The following ADAMTSL4 variants were observed in gnomAD, a reference collection of about 807,000 sequenced individuals.
The protein encoded by ADAMTSL4 is ADAMTS-like protein 4.
In ADAMTSL4, 97 loss-of-function variants were observed where a neutral mutation model predicts 122.8. That is an observed-to-expected ratio of 0.79 (90% CI 0.67 to 0.93). ADAMTSL4 has a LOEUF of 0.93. ADAMTSL4 is among the 40% of genes least tolerant of loss of function. The pLI, the probability that ADAMTSL4 is intolerant of heterozygous loss-of-function variation, is 0.00. For synonymous variants in ADAMTSL4, 592 were observed against 568.0 expected, an observed-to-expected ratio of 1.04 and a Z score of -0.60; for missense variants, 1,408 against 1,453.5, an observed-to-expected ratio of 0.97 and a Z score of 0.51.
At chr1:150,558,808 G>C in intron 15 of ADAMTSL4, 154 bp from the exon 16 acceptor site, 1 of 1,542,088 alleles carries the variant, frequency 6.5e-7, no homozygotes. Context: ...TTCCATGAGG[G>C]GCCCGGCTAG....
chr1:150,559,084 A>G lies in ADAMTSL4; in HGVS notation c.2682A>G (p.Gly894=). Residue 894 remains glycine (G), a synonymous_variant, in exon 16 of 19, where the codon GGA becomes GGG. Transcript: ENST00000271643. The surrounding 1 kb of genome is among the most constrained non-coding windows in gnomAD (Gnocchi z 4.1). ...GAGTGQSCPT[G]SRPPDMRACS... ...GAACTGGGCAGAGCTGTCCAACAGGAAGCCGGCCCCCTGACATGCGCGCCT... is the reference window on the plus strand; with the variant it reads ...GAACTGGGCAGAGCTGTCCAACAGGGAGCCGGCCCCCTGACATGCGCGCCT... 1.2e-6 allele frequency: 2 copies of G among 1,612,812 alleles called. No homozygotes were observed. The highest frequency in any genetic ancestry group is 1.7e-6 in the Non-Finnish European group (2 of 1,179,940).
chr1:150,554,135 G>C lies in ADAMTSL4; in HGVS notation c.1131+13G>C. On this transcript the variant is annotated intron_variant, in intron 6 of 18. Transcript: ENST00000271643. This position sits in a 1 kb window ranked among gnomAD's most constrained non-coding sequence, Gnocchi z 4.0. ...CTGCAGCCAAGCGGTGAGTCTCCTC[G>C]GGCCTCCCCTCCCAACCCCGACCTC... is the stretch of plus-strand genomic sequence containing the variant. The C allele has an allele frequency of 6.3e-7, 1 of 1,598,270 alleles. No individual in the cohort carries two copies. The highest frequency in any genetic ancestry group is 8.5e-7 in the Non-Finnish European group (1 of 1,179,832).
intron 8 of ADAMTSL4, 87 bp downstream of exon 8, chr1:150,555,652 T>C (rs587694034): frequency 6.9e-5 from 106 of 1,538,412 alleles, no homozygotes; most frequent in African/African-American, 1.2e-4. Context: ...TACACACATA[T>C]GTATGAACAC....
chr1:150,560,309 T>A lies in ADAMTSL4; in HGVS notation c.*113T>A. The A allele has an allele frequency of 1.3e-6, 2 of 1,493,070 alleles. No individual in the cohort carries two copies. Among genetic ancestry groups the A allele is most frequent in the South Asian group, 2.5e-5 (2 of 81,370 alleles). 92.5% of individuals were successfully genotyped at this position (1,493,070 alleles called of 1,614,324 possible). On this transcript the variant is annotated 3_prime_UTR_variant, in exon 19 of 19. Transcript: ENST00000271643. The stretch of plus-strand genomic sequence containing the variant: ...TGTCCCAGTCTCAGCAGGGATGTCC[T>A]CCAGGTGACAGAGGGTGGCAAGGTG...
intron 14 of ADAMTSL4, 137 bp downstream of exon 14, chr1:150,558,286 C>T: frequency 6.6e-7 from 1 of 1,523,078 alleles, no homozygotes; most frequent in Non-Finnish European, 8.8e-7. Context: ...ATATAGAAGT[C>T]AGATAAGGGA....
At chr1:150,558,307 G>A in intron 14 of ADAMTSL4, 158 bp downstream of exon 14, 2 of 1,510,246 alleles carry the variant, frequency 1.3e-6, no homozygotes, top group Non-Finnish European at 1.8e-6. Flanking sequence ...CTGAACCAGG[G>A]ACTGGGGGCC....
intron 2 of ADAMTSL4, chr1:150,550,720 T>A (rs867814950): frequency 4.4e-6 from 2 of 456,128 alleles, no homozygotes; most frequent in Non-Finnish European, 4.4e-6. Context: ...TTGCTGACCT[T>A]AGTGGCCGGC....
Position 150,554,497 on chromosome 1 carries a change from G to T in ADAMTSL4, c.1234+30G>T. ...GGTTTCTTGCTCACCCCTGGGCAGT[G>T]GTGGCTTGGAATTGGGGATGAAGGG... is the stretch of plus-strand genomic sequence containing the variant. On this transcript the variant is annotated intron_variant, in intron 7 of 18. Transcript: ENST00000271643. This position sits in a 1 kb window ranked among gnomAD's most constrained non-coding sequence, Gnocchi z 4.0. 1 of 1,613,750 alleles carries T rather than the reference G, an allele frequency of 6.2e-7. No homozygotes were observed. Among genetic ancestry groups the T allele is most frequent in the East Asian group, 2.2e-5 (1 of 44,860 alleles).
At chr1:150,550,831 G>C (rs1016232306) in intron 2 of ADAMTSL4, 2 of 456,360 alleles carry the variant, frequency 4.4e-6, no homozygotes, top group Admixed American at 2.4e-5. Flanking sequence ...CTCAAATTCC[G>C]AACCCTAGGT....
chr1:150,555,578 AGT>A lies in ADAMTSL4; in HGVS notation c.1371+23_1371+24del, dbSNP rs762496609. 29 of 1,609,536 alleles carry A rather than the reference AGT, an allele frequency of 1.8e-5. No individual in the cohort carries two copies. Among genetic ancestry groups the A allele is most frequent in the Middle Eastern group, 3.3e-4 (2 of 6,068 alleles). ...TGGACGCTGTCTGGTGAGGGAAGAC[AGT>A]GTGTGTGTGCACACACACATGCATA... On this transcript the variant is annotated intron_variant, in intron 8 of 18. Coordinates refer to ENST00000271643, the MANE Select transcript of ADAMTSL4 (RefSeq NM_019032.6).
In ADAMTSL4 at chr1:150,554,365, C is replaced by G. The variant is rs1430145343; in HGVS notation, c.1132C>G (p.Pro378Ala). Residue 378 changes from proline to alanine, a missense_variant and splice_region_variant, in exon 7 of 19, where the codon CCC (proline) becomes GCC (alanine). Coordinates refer to ENST00000271643, the MANE Select transcript of ADAMTSL4 (RefSeq NM_019032.6). This position sits in a 1 kb window ranked among gnomAD's most constrained non-coding sequence, Gnocchi z 4.0. The part of the protein sequence containing the change: ...SEQLRACSQA[P>A]CPPEQPDPRA... ...GACTCCTTTGTACCCCTCACCGCAGCCCTGCCCCCCTGAGCAGCCAGACCC... is the reference window on the plus strand; with the variant it reads ...GACTCCTTTGTACCCCTCACCGCAGGCCTGCCCCCCTGAGCAGCCAGACCC... 1 of 1,612,718 alleles carries G rather than the reference C, an allele frequency of 6.2e-7. No homozygotes were observed.
In ADAMTSL4 at chr1:150,555,490, T is replaced by C; in HGVS notation, c.1296T>C (p.Arg432=). The part of the protein sequence containing the change: ...CRPRGFRFYV[R]HTEKVQDGTL... ...CCCGTGGCTTCCGCTTCTATGTCCG[T>C]CACACTGAAAAGGTCCAGGATGGGA... Residue 432 remains arginine (R), a synonymous_variant, in exon 8 of 19, where the codon CGT becomes CGC. Coordinates refer to ENST00000271643, the MANE Select transcript of ADAMTSL4 (RefSeq NM_019032.6). The C allele has an allele frequency of 6.2e-7, 1 of 1,614,154 alleles. No individual in the cohort carries two copies. Among genetic ancestry groups the C allele is most frequent in the Non-Finnish European group, 8.5e-7 (1 of 1,180,022 alleles).
chr1:150,552,709 C>T lies in ADAMTSL4; in HGVS notation c.78+109C>T. ...ACGCCTCCATTCCCCACAGCCCACC[C>T]ACCTCCCCTGCCAACTCCCCAGTTC... On this transcript the variant is annotated intron_variant, in intron 4 of 18. Coordinates refer to ENST00000271643, the MANE Select transcript of ADAMTSL4 (RefSeq NM_019032.6). This position sits in a 1 kb window ranked among gnomAD's most constrained non-coding sequence, Gnocchi z 4.0. 7.0e-7 allele frequency: 1 copy of T among 1,435,018 alleles called. No homozygotes were observed. Among genetic ancestry groups the T allele is most frequent in the African/African-American group, 1.4e-5 (1 of 70,682 alleles). The allele number at this position is 1,435,018 out of a possible 1,614,324, so 88.9% of individuals were successfully genotyped here.
intron 2 of ADAMTSL4, chr1:150,550,992 A>T (rs1295159412): frequency 2.2e-5 from 10 of 449,112 alleles, no homozygotes; most frequent in Non-Finnish European, 4.0e-5. Context: ...ACAGAAACAG[A>T]TTTTTTTTTT....
chr1:150,558,093 C>T lies in ADAMTSL4; in HGVS notation c.2326C>T (p.Gln776Ter), dbSNP rs1261260994. Residue 776 changes from glutamine (Q) to a stop codon, truncating the protein, a stop_gained, in exon 14 of 19, where the codon CAG becomes TAG. Transcript: ENST00000271643. LOFTEE classifies it high-confidence loss of function. ...CGHLPRPNIT[Q>*]SCQLRLCGHW... ...ACATCTCCCCCGGCCCAACATCACC[C>T]AGTCTTGCCAGCTGCGCCTCTGTGG... is the stretch of plus-strand genomic sequence containing the variant. 14 of 1,613,292 alleles carry T rather than the reference C, an allele frequency of 8.7e-6. No individual in the cohort carries two copies. The highest frequency in any genetic ancestry group is 1.1e-5 in the Non-Finnish European group (13 of 1,180,008).
At position 150,553,902 on chromosome 1, in the gene ADAMTSL4, C is replaced by T. The variant is rs773510504; in HGVS notation, c.911C>T (p.Ser304Leu). ...VAGRRPDPFP[S>L]VPRGRGQQGQ... The stretch of plus-strand genomic sequence containing the variant: ...GGGAGACGCCCTGATCCTTTTCCTT[C>T]GGTCCCTCGGGGCCGAGGCCAGCAG... Residue 304 changes from serine (S) to leucine (L), a missense_variant, in exon 6 of 19, where the codon TCG becomes TTG. By Grantham distance (145) the Ser-to-Leu change is moderately radical. Coordinates refer to ENST00000271643, the MANE Select transcript of ADAMTSL4 (RefSeq NM_019032.6). The T allele has an allele frequency of 1.2e-5, 19 of 1,612,850 alleles. No homozygotes were observed. Among genetic ancestry groups the T allele is most frequent in the Middle Eastern group, 1.6e-4 (1 of 6,084 alleles).
intron 2 of ADAMTSL4, chr1:150,550,326 C>G (rs983753697): frequency 4.2e-5 from 19 of 453,284 alleles, no homozygotes; most frequent in Non-Finnish European, 8.4e-5. Flanking sequence ...GGGCATGGGC[C>G]CCTGCCGGGC....
chr1:150,555,044 C>A (rs1306225293), intron 7 of ADAMTSL4, among the ~76,000 whole-genome samples: 1 of 150,026 alleles, frequency 6.7e-6, no homozygotes, highest in African/African-American at 2.5e-5. Context: ...GGCTGGAGTA[C>A]AGTGGCACGA....
rs757903395 is a variant in ADAMTSL4, at chr1:150,555,459, G to A, written c.1265G>A (p.Cys422Tyr). 3.3e-5 allele frequency: 54 copies of A among 1,614,108 alleles called. No homozygotes were observed. The highest frequency in any genetic ancestry group is 9.3e-6 in the Non-Finnish European group (11 of 1,180,004). The change falls in exon 8 of 19, where the codon TGC (cysteine) becomes TAC (tyrosine). Residue 422 changes from cysteine (C) to tyrosine (Y), a missense_variant. By Grantham distance (194) the Cys-to-Tyr change is radical. Coordinates refer to ENST00000271643, the MANE Select transcript of ADAMTSL4 (RefSeq NM_019032.6). ...VQGSQRCELN[C>Y]RPRGFRFYVR... Reference sequence around the variant, plus strand: ...GGCTCCCAGCGCTGTGAACTGAACTGCCGGCCCCGTGGCTTCCGCTTCTAT... The same window carrying A: ...GGCTCCCAGCGCTGTGAACTGAACTACCGGCCCCGTGGCTTCCGCTTCTAT...
Sources: allele counts gnomAD v4.1 joint callset (sites outside exome capture counted in the v4.1 genomes callset), GRCh38; gene constraint gnomAD v4.1.1; non-coding constraint Gnocchi (gnomAD v3.1); transcripts MANE v1.5; gene names NCBI Gene and HGNC (gene_info 2026-07-23, HGNC 2026-07-21).